Variants in GPR78 observed in about 807,000 individuals in gnomAD.
GPR78 encodes G protein-coupled receptor 78.
A neutral mutation model predicts 17.9 loss-of-function variants in GPR78; 29 were observed. The observed-to-expected ratio is 1.62, with a 90% CI of 1.20 to 2.21. The LOEUF (loss-of-function observed/expected upper bound fraction) is 2.21, where lower values mean the gene tolerates loss of function less well. GPR78 is among the 30% of genes most tolerant of loss of function. The pLI, the probability that GPR78 is intolerant of heterozygous loss-of-function variation, is 0.00. For synonymous variants in GPR78, 349 were observed against 256.9 expected, an observed-to-expected ratio of 1.36 and a Z score of -3.43; for missense variants, 649 against 530.5, an observed-to-expected ratio of 1.22 and a Z score of -2.19.
chr4:8,583,589 T>G (rs2109300312), intron 2 of GPR78, among the ~76,000 whole-genome samples: 1 of 151,250 alleles, frequency 6.6e-6, no homozygotes, highest in Admixed American at 6.6e-5. Flanking sequence ...GCTCTGTTTG[T>G]GTAGGGTCCT....
rs1713582349 is a variant in GPR78 at position 8,587,959 on chromosome 4, C to T, written c.*596C>T. 6.6e-6 allele frequency among the ~76,000 whole-genome samples: 1 copy of T among 152,184 alleles called. No homozygotes were observed. Among genetic ancestry groups the T allele is most frequent in the Non-Finnish European group, 1.5e-5 (1 of 68,028 alleles). On this transcript the variant is annotated 3_prime_UTR_variant, in exon 3 of 3. Transcript: ENST00000382487. ...CTGGGACATGCCCATCTCTGGAAGCCTAGGGGTCCCCAGCTCCAGGCCTGT... is the reference window on the plus strand; with the variant it reads ...CTGGGACATGCCCATCTCTGGAAGCTTAGGGGTCCCCAGCTCCAGGCCTGT...
intron 2 of GPR78, among the ~76,000 whole-genome samples, chr4:8,586,442 G>A (rs1339066977): frequency 6.6e-6 from 1 of 152,224 alleles, no homozygotes; most frequent in East Asian, 1.9e-4. Flanking sequence ...CCTGCGTGGT[G>A]TGTGGTGCCC....
chr4:8,583,244 C>T (rs778237273), intron 2 of GPR78, among the ~76,000 whole-genome samples: 12 of 152,168 alleles, frequency 7.9e-5, no homozygotes, highest in Non-Finnish European at 1.5e-4. Flanking sequence ...GTCACCCACT[C>T]GGCCACTTGG....
In GPR78 at chr4:8,580,652, ACGCCCCG is replaced by A. The variant is rs1466622386; in HGVS notation, c.-324_-318del. On this transcript the variant is annotated 5_prime_UTR_variant, in exon 1 of 3. Coordinates refer to ENST00000382487, the MANE Select transcript of GPR78 (RefSeq NM_080819.5). ...TAGGAAAGAGACCTCCCTCGCCCCT[ACGCCCCG>A]CGCCCCTGCGCCTCGCTTCAGCCTC... 2.4e-6 allele frequency: 1 copy of A among 420,646 alleles called. No individual in the cohort carries two copies. Among genetic ancestry groups the A allele is most frequent in the Non-Finnish European group, 4.2e-6 (1 of 238,760 alleles). The allele number at this position is 420,646 out of a possible 1,614,324, so 26.1% of individuals were successfully genotyped here. A position where few individuals can be genotyped will look rare whatever the true frequency, so the allele number is the denominator to read the frequency against.
rs144794260 is a variant in GPR78, at chr4:8,582,625, G to A, written c.763G>A (p.Ala255Thr). 1.2e-6 allele frequency: 2 copies of A among 1,612,258 alleles called. No individual in the cohort carries two copies. The highest frequency in any genetic ancestry group is 2.7e-5 in the African/African-American group (2 of 74,908). The change falls in exon 2 of 3, where the codon GCC (alanine) becomes ACC (threonine). Residue 255 changes from alanine to threonine, a missense_variant. Physicochemically the swap from Ala to Thr is moderately conservative, Grantham distance 58 (BLOSUM62 0). Coordinates refer to ENST00000382487, the MANE Select transcript of GPR78 (RefSeq NM_080819.5). ...IAIATFLICF[A>T]PYVMTRLAEL... ...TATTGCGACCTTCCTCATCTGCTTTGCCCCGTATGTCATGACCAGGTGGGT... is the reference window on the plus strand; with the variant it reads ...TATTGCGACCTTCCTCATCTGCTTTACCCCGTATGTCATGACCAGGTGGGT...
In GPR78 at chr4:8,588,379, C is replaced by A. The variant is rs1447333917; in HGVS notation, c.*1016C>A. On this transcript the variant is annotated 3_prime_UTR_variant, in exon 3 of 3. Coordinates refer to ENST00000382487, the MANE Select transcript of GPR78 (RefSeq NM_080819.5). ...TGCCATTCCCCGGTGGGAGCACCCA[C>A]CATCAATGTCATTGAATGTCCCCAT... Among the ~76,000 whole-genome samples, 1 of 152,242 alleles carries A rather than the reference C, an allele frequency of 6.6e-6. No individual in the cohort carries two copies. Among genetic ancestry groups the A allele is most frequent in the Non-Finnish European group, 1.5e-5 (1 of 68,040 alleles).
intron 1 of GPR78, among the ~76,000 whole-genome samples, chr4:8,581,923 C>G (rs569123449): frequency 1.6e-3 from 242 of 152,290 alleles, no homozygotes; most frequent in African/African-American, 5.5e-3. Context: ...TCCGCGGGCT[C>G]TGCTGTGGGC....
Position 8,581,018 on chromosome 4 carries a change from G to A in GPR78, c.36G>A (p.Leu12=). 2 of 1,594,874 alleles carry A rather than the reference G, an allele frequency of 1.3e-6. No homozygotes were observed. Among genetic ancestry groups the A allele is most frequent in the Non-Finnish European group, 1.7e-6 (2 of 1,171,828 alleles). ...GPGEALLAGL[L]VMVLAVALLS... The stretch of plus-strand genomic sequence containing the variant: ...GCGAGGCGCTGCTGGCGGGTCTCCT[G>A]GTGATGGTACTGGCCGTGGCGCTGC... The change falls in exon 1 of 3, where the codon CTG becomes CTA. Residue 12 remains leucine, a synonymous_variant. Coordinates refer to ENST00000382487, the MANE Select transcript of GPR78 (RefSeq NM_080819.5).
Position 8,589,451 on chromosome 4 carries a change from G to T in GPR78, c.*2088G>T, listed in dbSNP as rs750302189. Among the ~76,000 whole-genome samples the T allele has an allele frequency of 1.3e-5, 2 of 152,120 alleles. No homozygotes were observed. The highest frequency in any genetic ancestry group is 2.9e-5 in the Non-Finnish European group (2 of 68,026). ...TCATGCCCTGGTTCACAGAGGGCAC[G>T]TGAACTCGAGACCGTGCTGCACCCC... On this transcript the variant is annotated 3_prime_UTR_variant, in exon 3 of 3. Transcript: ENST00000382487.
chr4:8,589,077 C>T lies in GPR78; in HGVS notation c.*1714C>T, dbSNP rs1225067964. 6.6e-6 allele frequency among the ~76,000 whole-genome samples: 1 copy of T among 151,786 alleles called. No homozygotes were observed. Among genetic ancestry groups the T allele is most frequent in the Non-Finnish European group, 1.5e-5 (1 of 67,986 alleles). The stretch of plus-strand genomic sequence containing the variant: ...TAGAGATGGCGGTCTCACTTTGTTG[C>T]CCAGGCTGGTCTTGAATTCCTGAGC... On this transcript the variant is annotated 3_prime_UTR_variant, in exon 3 of 3. Coordinates refer to ENST00000382487, the MANE Select transcript of GPR78 (RefSeq NM_080819.5).
rs376099357 is a variant in GPR78, at chr4:8,581,516, C to A, written c.534C>A (p.Ala178=). The change falls in exon 1 of 3, where the codon GCC becomes GCA. Residue 178 remains alanine (A), a synonymous_variant. Coordinates refer to ENST00000382487, the MANE Select transcript of GPR78 (RefSeq NM_080819.5). ...RFAAFTATLH[A]VGFVLPLAVL... The stretch of plus-strand genomic sequence containing the variant: ...CAGCCTTCACCGCCACGCTCCATGC[C>A]GTGGGCTTCGTGCTGCCGCTGGCGG... The A allele has an allele frequency of 4.4e-6, 7 of 1,590,584 alleles. No homozygotes were observed. Among genetic ancestry groups the A allele is most frequent in the Non-Finnish European group, 6.0e-6 (7 of 1,176,432 alleles).
In GPR78 at chr4:8,588,622, C is replaced by T. The variant is rs1713612473; in HGVS notation, c.*1259C>T. On this transcript the variant is annotated 3_prime_UTR_variant, in exon 3 of 3. Coordinates refer to ENST00000382487, the MANE Select transcript of GPR78 (RefSeq NM_080819.5). ...AGGGTGGGCTGCAAGACCTCAGGCC[C>T]CTGCCTCATGGGACTCTCTGATGGG... Among the ~76,000 whole-genome samples the T allele has an allele frequency of 6.6e-6, 1 of 152,226 alleles. No individual in the cohort carries two copies. The highest frequency in any genetic ancestry group is 1.5e-5 in the Non-Finnish European group (1 of 68,044).
At chr4:8,584,482 A>G (rs9684688) in intron 2 of GPR78, among the ~76,000 whole-genome samples, 12,220 of 150,622 alleles carry the variant, frequency 0.081, 1,451 homozygotes, top group African/African-American at 0.26. Flanking sequence ...TTCTTCATGC[A>G]CTCACTAAGC....
At position 8,581,627 on chromosome 4, in the gene GPR78, G is replaced by A. The variant is rs1270591644; in HGVS notation, c.645G>A (p.Ala215=). Residue 215 remains alanine (A), a synonymous_variant, in exon 1 of 3, where the codon GCG becomes GCA. Coordinates refer to ENST00000382487, the MANE Select transcript of GPR78 (RefSeq NM_080819.5). Reference sequence around the variant, plus strand: ...ACACCGTCACCATGAAGGCGCTCGCGCTGCTCGCCGACCTGCACCCCAGGT... The same window carrying A: ...ACACCGTCACCATGAAGGCGCTCGCACTGCTCGCCGACCTGCACCCCAGGT... The part of the protein sequence containing the change: ...RMDTVTMKAL[A]LLADLHPSVR... 2 of 1,495,490 alleles carry A rather than the reference G, an allele frequency of 1.3e-6. No homozygotes were observed. The highest frequency in any genetic ancestry group is 1.3e-5 in the South Asian group (1 of 74,466). The allele number at this position is 1,495,490 out of a possible 1,614,324, so 92.6% of individuals were successfully genotyped here.
rs766986636 is a variant in GPR78, at chr4:8,587,306, C to T, written c.1035C>T (p.Ser345=). The T allele has an allele frequency of 1.2e-5, 19 of 1,612,930 alleles. No homozygotes were observed. The highest frequency in any genetic ancestry group is 2.7e-5 in the African/African-American group (2 of 74,930). Residue 345 remains serine (S), a synonymous_variant, in exon 3 of 3, where the codon TCC becomes TCT. Coordinates refer to ENST00000382487, the MANE Select transcript of GPR78 (RefSeq NM_080819.5). The part of the protein sequence containing the change: ...QLLKRTPRPA[S]THNGSVDTEN... ...TGAAGAGAACCCCGCGCCCAGCGTC[C>T]ACCCACAACGGCTCTGTGGACACAG...
rs1008529793 is a variant in GPR78, at chr4:8,581,159, C to T, written c.177C>T (p.Asp59=). The change falls in exon 1 of 3, where the codon GAC becomes GAT. Residue 59 remains aspartate (D), a synonymous_variant. Coordinates refer to ENST00000382487, the MANE Select transcript of GPR78 (RefSeq NM_080819.5). ...SLGHLLLAAL[D]MPFTLLGVMR... Reference sequence around the variant, plus strand: ...GCCACCTGCTGCTGGCGGCGCTGGACATGCCCTTCACGCTGCTCGGTGTGA... The same window carrying T: ...GCCACCTGCTGCTGGCGGCGCTGGATATGCCCTTCACGCTGCTCGGTGTGA... 3 of 1,604,220 alleles carry T rather than the reference C, an allele frequency of 1.9e-6. No homozygotes were observed. In the South Asian group the frequency reaches 3.3e-5, roughly 18 times the overall value.
Position 8,584,566 on chromosome 4 carries a change from C to T in GPR78, c.782+1922C>T, listed in dbSNP as rs536733293. Reference sequence around the variant, plus strand: ...TACAAAAGCAAATGGAACACAGGCTCCTCTCGGTTCTGATGGTGGGAGATG... The same window carrying T: ...TACAAAAGCAAATGGAACACAGGCTTCTCTCGGTTCTGATGGTGGGAGATG... On this transcript the variant is annotated intron_variant, in intron 2 of 2. Transcript: ENST00000382487. Among the ~76,000 whole-genome samples the T allele has an allele frequency of 1.1e-4, 17 of 152,362 alleles. No individual in the cohort carries two copies. The South Asian group carries it at 2.3e-3, about 20-fold the overall frequency.
At position 8,589,910 on chromosome 4, in the gene GPR78, C is replaced by CTTTT. The variant is rs34339112; in HGVS notation, c.*2564_*2567dup. On this transcript the variant is annotated 3_prime_UTR_variant, in exon 3 of 3. Coordinates refer to ENST00000382487, the MANE Select transcript of GPR78 (RefSeq NM_080819.5). ...CTATCCCTTGCCTTAGGCTTGTGGC[C>CTTTT]TTTTTTTTTTTTTTTTTTTTAATTT... Among the ~76,000 whole-genome samples, 1 of 130,888 alleles carries CTTTT rather than the reference C, an allele frequency of 7.6e-6. No individual in the cohort carries two copies. The highest frequency in any genetic ancestry group is 1.6e-5 in the Non-Finnish European group (1 of 61,800). 85.9% of individuals were successfully genotyped at this position (130,888 alleles called of 152,430 possible).
rs756563522 is a variant in GPR78, at chr4:8,581,441, C to A, written c.459C>A (p.Phe153Leu). Residue 153 changes from phenylalanine to leucine, a missense_variant, in exon 1 of 3, where the codon TTC becomes TTA. By Grantham distance (22) the Phe-to-Leu change is conservative. Transcript: ENST00000382487. ...CGTGGCTTGGCTACAGCAGCGCCTT[C>A]GCGTCCTGTTCGCTGCGCCTGCCGC... ...GCSWLGYSSA[F>L]ASCSLRLPPE... 6.3e-7 allele frequency: 1 copy of A among 1,590,624 alleles called. No individual in the cohort carries two copies. Among genetic ancestry groups the A allele is most frequent in the Non-Finnish European group, 8.5e-7 (1 of 1,176,282 alleles).
Sources: gnomAD v4.1 joint callset for allele counts (sites outside exome capture counted in the v4.1 genomes callset) on GRCh38, gnomAD v4.1.1 for gene constraint, MANE v1.5 for transcripts, NCBI Gene and HGNC (gene_info 2026-07-23, HGNC 2026-07-21) for gene names.